The following RORA variants were observed in gnomAD, a reference collection of about 807,000 sequenced individuals.
RORA encodes nuclear receptor ROR-alpha.
In RORA, 7 loss-of-function variants were observed where a neutral mutation model predicts 69.5. The ratio of observed to expected loss-of-function variants is 0.10; its 90% CI spans 0.06 to 0.19. The LOEUF (loss-of-function observed/expected upper bound fraction) is 0.19. RORA is among the 10% of genes least tolerant of loss of function. RORA has a pLI of 1.00. For synonymous variants in RORA, 261 were observed against 240.8 expected (o/e 1.08, Z -0.78); for missense variants, 457 against 663.0 (o/e 0.69, Z 3.41).
chr15:60,610,620 A>G lies in RORA; in HGVS notation c.196+68037T>C, dbSNP rs1298545872. Among the ~76,000 whole-genome samples the G allele has an allele frequency of 2.6e-5, 4 of 152,318 alleles. No homozygotes were observed. The East Asian group carries it at 7.7e-4, about 29-fold the overall frequency. On this transcript the variant is annotated intron_variant, in intron 2 of 10. Coordinates refer to ENST00000335670, the MANE Select transcript of RORA (RefSeq NM_134261.3). ...TATGAGACCAGCAGAAGAAAAATATATAGGTATATATGATAGGTGATCACT... is the reference window on the plus strand; with the variant it reads ...TATGAGACCAGCAGAAGAAAAATATGTAGGTATATATGATAGGTGATCACT...
At chr15:60,595,398 G>A (rs1265182217) in intron 2 of RORA, among the ~76,000 whole-genome samples, 1 of 151,834 alleles carries the variant, frequency 6.6e-6, no homozygotes, top group African/African-American at 2.4e-5. Context: ...TGTAATCCCA[G>A]CTACTACTCG....
chr15:60,994,336 G>C (rs548289990), intron 1 of RORA, among the ~76,000 whole-genome samples: 1 of 152,168 alleles, frequency 6.6e-6, no homozygotes, highest in Non-Finnish European at 1.5e-5. Context: ...CTCCTCAAAT[G>C]TAGTAGCTGT....
intron 1 of RORA, among the ~76,000 whole-genome samples, chr15:60,712,656 C>T (rs747581269): frequency 2.0e-5 from 3 of 152,182 alleles, no homozygotes; most frequent in Non-Finnish European, 4.4e-5. Context: ...TACTTGTTCC[C>T]GAGGCCAGAA....
intron 1 of RORA, among the ~76,000 whole-genome samples, chr15:60,805,267 A>G (rs1338591714): frequency 6.6e-6 from 1 of 152,198 alleles, no homozygotes; most frequent in Non-Finnish European, 1.5e-5. Flanking sequence ...AGCCCAAATA[A>G]AACCATGTCA....
chr15:60,938,491 G>C lies in RORA; in HGVS notation c.167-259805C>G, dbSNP rs1027672807. Among the ~76,000 whole-genome samples, 4 of 152,182 alleles carry C rather than the reference G, an allele frequency of 2.6e-5. No homozygotes were observed. In the East Asian group the frequency reaches 5.8e-4, roughly 22 times the overall value. On this transcript the variant is annotated intron_variant, in intron 1 of 10. Transcript: ENST00000335670. ...ATCTAGCTTAGAGGTCGTGTGCAAA[G>C]AATTCAAATACCTTCACATTTAAAT...
chr15:60,516,001 T>A (rs1407000531), intron 3 of RORA, among the ~76,000 whole-genome samples: 3 of 16,688 alleles, frequency 1.8e-4, no homozygotes, highest in East Asian at 2.1e-3. Flanking sequence ...TTATATATAT[T>A]TATATATATT....
intron 1 of RORA, among the ~76,000 whole-genome samples, chr15:61,056,703 A>G (rs2078101815): frequency 6.6e-6 from 1 of 152,228 alleles, no homozygotes; most frequent in African/African-American, 2.4e-5. Flanking sequence ...CTATTCTAGA[A>G]TAAAGGCAAA....
At chr15:61,140,631 G>T (rs1048880196) in intron 1 of RORA, among the ~76,000 whole-genome samples, 2 of 151,968 alleles carry the variant, frequency 1.3e-5, no homozygotes, top group African/African-American at 4.8e-5. Context: ...TCTACAAGGG[G>T]ACCCCAAAAC....
chr15:60,845,136 G>T (rs895829800), intron 1 of RORA, among the ~76,000 whole-genome samples: 1 of 152,134 alleles, frequency 6.6e-6, no homozygotes, highest in African/African-American at 2.4e-5. Flanking sequence ...AGGTTGAGAA[G>T]GTGAGACTAG....
Position 60,749,674 on chromosome 15 carries a change from G to T in RORA, c.167-70988C>A, listed in dbSNP as rs1321833642. Among the ~76,000 whole-genome samples the T allele has an allele frequency of 3.3e-5, 5 of 152,122 alleles. No individual in the cohort carries two copies. In the East Asian group the frequency reaches 9.6e-4, roughly 29 times the overall value. ...AGGGGATATGATGGAGAGAAACTCT[G>T]TTCCCTGATTTTAGGCACCTAAAGA... is the stretch of plus-strand genomic sequence containing the variant. On this transcript the variant is annotated intron_variant, in intron 1 of 10. Transcript: ENST00000335670.
chr15:60,691,654 G>T (rs2070827982), intron 1 of RORA, among the ~76,000 whole-genome samples: 1 of 152,206 alleles, frequency 6.6e-6, no homozygotes, highest in Non-Finnish European at 1.5e-5. Context: ...CATACAAAGA[G>T]TGAGAGGGGA....
intron 2 of RORA, among the ~76,000 whole-genome samples, chr15:60,631,239 C>T (rs1281321947): frequency 3.9e-5 from 6 of 152,164 alleles, no homozygotes; most frequent in Non-Finnish European, 8.8e-5. Flanking sequence ...CTTAAGCAGC[C>T]CATCTGGGGC....
At chr15:60,577,244 G>C (rs535798501) in intron 2 of RORA, among the ~76,000 whole-genome samples, 5 of 152,266 alleles carry the variant, frequency 3.3e-5, no homozygotes, top group Admixed American at 2.0e-4. Flanking sequence ...CCCTTCTATT[G>C]TTACCTTGTG....
intron 1 of RORA, among the ~76,000 whole-genome samples, chr15:61,137,070 A>G (rs1171433692): frequency 2.0e-5 from 3 of 149,478 alleles, no homozygotes; most frequent in African/African-American, 7.7e-5. Context: ...AAAGAAAGAA[A>G]GAAAGAAAGA....
chr15:60,637,695 C>A (rs754666093), intron 2 of RORA, among the ~76,000 whole-genome samples: 2 of 152,156 alleles, frequency 1.3e-5, no homozygotes, highest in Admixed American at 6.5e-5. Flanking sequence ...TCTATTGACA[C>A]ATATGCAAGA....
rs1476690817 is a variant in RORA at position 60,489,099 on chromosome 15, T to C, written c.*8356A>G. 2 of 152,130 alleles carry C rather than the reference T, an allele frequency of 1.3e-5. No individual in the cohort carries two copies. The allele number at this position is 152,130 out of a possible 1,614,324, so 9.4% of individuals were successfully genotyped here. ...TCAGGAAGCTTAGGATGCTAAATCGTGCTTTAAAAAAAAGGTTTCAATCTC... is the reference window on the plus strand; with the variant it reads ...TCAGGAAGCTTAGGATGCTAAATCGCGCTTTAAAAAAAAGGTTTCAATCTC... On this transcript the variant is annotated 3_prime_UTR_variant, in exon 11 of 11. Transcript: ENST00000335670.
intron 1 of RORA, among the ~76,000 whole-genome samples, chr15:60,967,261 A>T (rs1340135275): frequency 6.6e-6 from 1 of 152,238 alleles, no homozygotes; most frequent in Non-Finnish European, 1.5e-5. Context: ...TGACAGATGT[A>T]CCATATTTAT....
intron 1 of RORA, among the ~76,000 whole-genome samples, chr15:60,701,328 C>T (rs1248679299): frequency 6.6e-6 from 1 of 152,094 alleles, no homozygotes; most frequent in Non-Finnish European, 1.5e-5. Flanking sequence ...CCTTAGCTTC[C>T]TAGAAGTAGT....
intron 1 of RORA, among the ~76,000 whole-genome samples, chr15:61,119,084 G>GGC (rs1555412576): frequency 2.0e-5 from 3 of 147,526 alleles, no homozygotes; most frequent in Non-Finnish European, 3.0e-5. Flanking sequence ...TAACAGAAGG[G>GGC]GGGGGGGGGC....
Sources: gnomAD v4.1 joint callset for allele counts (sites outside exome capture counted in the v4.1 genomes callset) on GRCh38, gnomAD v4.1.1 for gene constraint, MANE v1.5 for transcripts, NCBI Gene and HGNC (gene_info 2026-07-23, HGNC 2026-07-21) for gene names.